GABRA2: variants seen among roughly 807,000 people sequenced by gnomAD.
GABRA2 encodes gamma-aminobutyric acid type A receptor subunit alpha2, also known as gamma-aminobutyric acid receptor subunit alpha-2.
In GABRA2, 16 loss-of-function variants were observed where a neutral mutation model predicts 48.7. The ratio of observed to expected loss-of-function variants is 0.33; its 90% CI spans 0.22 to 0.50. The LOEUF (loss-of-function observed/expected upper bound fraction) is 0.50, where lower values mean the gene tolerates loss of function less well. Among genes scored for constraint, GABRA2 ranks in the 20% least tolerant of loss-of-function variants. GABRA2 has a pLI of 0.98. For missense variants in GABRA2, 275 were observed against 535.6 expected (o/e 0.51, Z 4.80); for synonymous variants, 185 against 184.5 (o/e 1.00, Z -0.02).
chr4:46,355,201 A>G (rs1439633793), intron 3 of GABRA2, among the ~76,000 whole-genome samples: 3 of 152,170 alleles, frequency 2.0e-5, no homozygotes, highest in South Asian at 4.1e-4. Context: ...ATTTTTTGCC[A>G]GCATTTTCTT....
chr4:46,360,667 T>G (rs2109955901), intron 3 of GABRA2, among the ~76,000 whole-genome samples: 1 of 152,262 alleles, frequency 6.6e-6, no homozygotes, highest in South Asian at 2.1e-4. Flanking sequence ...TGGAAAGGAC[T>G]TTGGAACTGG....
chr4:46,311,094 T>C (rs557897250), intron 5 of GABRA2, among the ~76,000 whole-genome samples: 1 of 152,318 alleles, frequency 6.6e-6, no homozygotes, highest in African/African-American at 2.4e-5. Flanking sequence ...ATATATGTCC[T>C]GTGCCTGCAT....
intron 3 of GABRA2, among the ~76,000 whole-genome samples, chr4:46,337,650 C>A (rs368705032): frequency 8.0e-3 from 858 of 106,798 alleles, no homozygotes; most frequent in South Asian, 8.9e-3. Context: ...TTGTTAAGAC[C>A]AAAAAAAAAA....
At chr4:46,270,028 A>T (rs1408877586) in intron 8 of GABRA2, among the ~76,000 whole-genome samples, 1 of 151,966 alleles carries the variant, frequency 6.6e-6, no homozygotes, top group African/African-American at 2.4e-5. Flanking sequence ...TTTACAATAA[A>T]ATGTAAGCCC....
intron 8 of GABRA2, among the ~76,000 whole-genome samples, chr4:46,266,313 A>G (rs1004260494): frequency 3.4e-5 from 5 of 147,966 alleles, no homozygotes; most frequent in African/African-American, 1.2e-4. Context: ...AATTTTTAAT[A>G]TTTAAAATAA....
intron 3 of GABRA2, among the ~76,000 whole-genome samples, chr4:46,349,482 A>G (rs561312651): frequency 6.6e-6 from 1 of 152,142 alleles, no homozygotes; most frequent in Admixed American, 6.6e-5. Context: ...CATTAATCAT[A>G]TATGGGAAAA....
chr4:46,328,330 T>C (rs905073779), intron 4 of GABRA2, among the ~76,000 whole-genome samples: 1 of 151,752 alleles, frequency 6.6e-6, no homozygotes, highest in Non-Finnish European at 1.5e-5. Flanking sequence ...TTGCATATTC[T>C]TTTGGTTCAT....
At chr4:46,328,010 T>A (rs1560533561) in intron 4 of GABRA2, among the ~76,000 whole-genome samples, 1 of 151,754 alleles carries the variant, frequency 6.6e-6, no homozygotes, top group Non-Finnish European at 1.5e-5. Context: ...TTTACTAATA[T>A]AAGAAAGACA....
At chr4:46,284,728 C>T (rs368297283) in intron 8 of GABRA2, among the ~76,000 whole-genome samples, 7 of 151,928 alleles carry the variant, frequency 4.6e-5, no homozygotes, top group South Asian at 4.2e-4. Flanking sequence ...ACAGCATGAA[C>T]GCCATAAAGA....
chr4:46,304,239 G>A (rs1056135365), intron 7 of GABRA2, among the ~76,000 whole-genome samples: 11 of 151,998 alleles, frequency 7.2e-5, no homozygotes, highest in Admixed American at 7.2e-4. Context: ...GTGCTCTCTG[G>A]CTCCAAAAGT....
At chr4:46,342,129 G>A (rs1344714338) in intron 3 of GABRA2, among the ~76,000 whole-genome samples, 2 of 152,012 alleles carry the variant, frequency 1.3e-5, no homozygotes, top group African/African-American at 2.4e-5. Flanking sequence ...GTTGTGCATG[G>A]AGAATGCAGA....
chr4:46,301,129 T>C (rs1250549439), intron 8 of GABRA2, among the ~76,000 whole-genome samples: 3 of 151,968 alleles, frequency 2.0e-5, no homozygotes, highest in African/African-American at 7.3e-5. Context: ...TAAGTATCCT[T>C]ACCCTCCCTC....
intron 3 of GABRA2, chr4:46,369,142 C>A: frequency 1.7e-6 from 1 of 578,520 alleles, no homozygotes; most frequent in South Asian, 2.1e-5. Flanking sequence ...CTTGGGGCAG[C>A]ACAGTACTTC....
chr4:46,299,040 C>A (rs1725258795), intron 8 of GABRA2, among the ~76,000 whole-genome samples: 1 of 150,780 alleles, frequency 6.6e-6, no homozygotes, highest in South Asian at 2.1e-4. Context: ...GAATTATATT[C>A]TATATAATTC....
At chr4:46,315,165 A>G (rs1728340430) in intron 4 of GABRA2, among the ~76,000 whole-genome samples, 2 of 141,976 alleles carry the variant, frequency 1.4e-5, no homozygotes, top group Non-Finnish European at 3.1e-5. Context: ...TAACTTTTTA[A>G]TAATGGCCAT....
intron 3 of GABRA2, among the ~76,000 whole-genome samples, chr4:46,380,601 A>G (rs1314429167): frequency 6.6e-6 from 1 of 152,192 alleles, no homozygotes; most frequent in African/African-American, 2.4e-5. Flanking sequence ...AAGCCTTGTA[A>G]TTTTACAAAT....
At chr4:46,313,054 C>A (rs1264410476) in intron 4 of GABRA2, among the ~76,000 whole-genome samples, 1 of 151,032 alleles carries the variant, frequency 6.6e-6, no homozygotes, top group Non-Finnish European at 1.5e-5. Context: ...TGAGCAGGGT[C>A]TGGTTGAATT....
intron 3 of GABRA2, among the ~76,000 whole-genome samples, chr4:46,381,380 T>C (rs971182058): frequency 1.2e-4 from 19 of 152,198 alleles, no homozygotes; most frequent in Non-Finnish European, 2.5e-4. Context: ...TTGATACAGT[T>C]ATTAATTCTA....
chr4:46,323,382 C>T (rs1729785099), intron 4 of GABRA2, among the ~76,000 whole-genome samples: 1 of 146,172 alleles, frequency 6.8e-6, no homozygotes, highest in Admixed American at 6.9e-5. Flanking sequence ...CTAGCCAATC[C>T]TCATTTGTTC....
Sources: gnomAD v4.1 joint callset for allele counts (sites outside exome capture counted in the v4.1 genomes callset) on GRCh38, gnomAD v4.1.1 for gene constraint, MANE v1.5 for transcripts, NCBI Gene and HGNC (gene_info 2026-07-23, HGNC 2026-07-21) for gene names.